LMNTD1: variants seen among roughly 807,000 people sequenced by gnomAD.
The protein encoded by LMNTD1 is lamin tail domain containing 1.
A neutral mutation model predicts 50.9 loss-of-function variants in LMNTD1; 35 were observed. The observed-to-expected ratio is 0.69, with a 90% CI of 0.53 to 0.91. The LOEUF (loss-of-function observed/expected upper bound fraction) is 0.91. Ranked by LOEUF, LMNTD1 falls within the 40% of genes least tolerant of loss-of-function variation. The probability of loss-of-function intolerance (pLI) is 0.00; values close to 1 mark genes in which losing one functional copy is unlikely to be tolerated. For missense variants in LMNTD1, 470 were observed against 475.5 expected (o/e 0.99, Z 0.11); for synonymous variants, 153 against 161.9 (o/e 0.94, Z 0.42).
chr12:25,583,070 G>A (rs917877970), intron 1 of LMNTD1, among the ~76,000 whole-genome samples: 11 of 151,170 alleles, frequency 7.3e-5, no homozygotes, highest in African/African-American at 1.2e-4. Flanking sequence ...CTGGAGTGCA[G>A]TGGTGCTATC....
chr12:25,643,415 G>A (rs1056123341), intron 1 of LMNTD1, among the ~76,000 whole-genome samples: 2 of 152,128 alleles, frequency 1.3e-5, no homozygotes, highest in African/African-American at 4.8e-5. Context: ...AGAATGACAT[G>A]AGATGAAAAA....
At chr12:25,624,809 C>T (rs1946551130) in intron 1 of LMNTD1, among the ~76,000 whole-genome samples, 1 of 152,198 alleles carries the variant, frequency 6.6e-6, no homozygotes. Context: ...TAAAATACCT[C>T]CAGGCCACAA....
chr12:25,538,303 A>G (rs1942767057), intron 4 of LMNTD1, among the ~76,000 whole-genome samples: 1 of 148,732 alleles, frequency 6.7e-6, no homozygotes, highest in Admixed American at 6.8e-5. Flanking sequence ...GAAGGAAAAA[A>G]TGTTAAGGGC....
Position 25,526,864 on chromosome 12 carries a change from C to T in LMNTD1, c.583G>A (p.Gly195Arg). ...NSSLDKEMAIGDHILQQNVNG... is the reference protein window; with the variant it reads ...NSSLDKEMAIRDHILQQNVNG... The stretch of plus-strand genomic sequence containing the variant: ...ACATTTTGCTGGAGAATATGATCTC[C>T]AATTGCCATTTCTTTGTCAAGGGAA... Residue 195 changes from glycine (G) to arginine (R), a missense_variant, in exon 5 of 10, where the codon GGA becomes AGA. By Grantham distance (125) the Gly-to-Arg change is moderately radical. Coordinates refer to ENST00000458174, the MANE Select transcript of LMNTD1 (RefSeq NM_001145728.2). 3 of 1,613,000 alleles carry T rather than the reference C, an allele frequency of 1.9e-6. No individual in the cohort carries two copies. The highest frequency in any genetic ancestry group is 2.5e-6 in the Non-Finnish European group (3 of 1,179,160).
chr12:25,546,225 C>T lies in LMNTD1; in HGVS notation c.491+149G>A, dbSNP rs569634959. 67 of 405,864 alleles carry T rather than the reference C, an allele frequency of 1.7e-4. 1 individual carries two copies. In the Admixed American group the frequency reaches 2.6e-3, roughly 16 times the overall value. The allele number at this position is 405,864 out of a possible 1,614,324, so 25.1% of individuals were successfully genotyped here. On this transcript the variant is annotated intron_variant, in intron 4 of 9. Coordinates refer to ENST00000458174, the MANE Select transcript of LMNTD1 (RefSeq NM_001145728.2). ...CCATTATATCAATTTATTTTAATTGCTCAGAAGATGAAACAGTTATATTTC... is the reference window on the plus strand; with the variant it reads ...CCATTATATCAATTTATTTTAATTGTTCAGAAGATGAAACAGTTATATTTC...
chr12:25,494,587 T>G (rs1371354710), intron 9 of LMNTD1, among the ~76,000 whole-genome samples: 1 of 152,122 alleles, frequency 6.6e-6, no homozygotes, highest in Non-Finnish European at 1.5e-5. Context: ...ATGAATAAAT[T>G]TATATAGATA....
At chr12:25,519,445 G>A (rs909297269) in intron 7 of LMNTD1, among the ~76,000 whole-genome samples, 2 of 151,636 alleles carry the variant, frequency 1.3e-5, no homozygotes, top group Admixed American at 6.6e-5. Flanking sequence ...AAAATTAGCC[G>A]GGCGTGGTGG....
chr12:25,598,102 C>T (rs1425041940), intron 1 of LMNTD1, among the ~76,000 whole-genome samples: 1 of 152,108 alleles, frequency 6.6e-6, no homozygotes, highest in Non-Finnish European at 1.5e-5. Flanking sequence ...ATTCCTTCGT[C>T]TTCTGCTATG....
chr12:25,538,008 A>C (rs1283965049), intron 4 of LMNTD1, among the ~76,000 whole-genome samples: 1 of 149,948 alleles, frequency 6.7e-6, no homozygotes, highest in African/African-American at 2.5e-5. Context: ...TGAAGTGAGA[A>C]GGAAAGTTTA....
chr12:25,631,632 C>A (rs1476263928), intron 1 of LMNTD1, among the ~76,000 whole-genome samples: 2 of 152,104 alleles, frequency 1.3e-5, no homozygotes, highest in African/African-American at 4.8e-5. Flanking sequence ...CCCCGTGGGA[C>A]AAAAGAATCT....
intron 1 of LMNTD1, among the ~76,000 whole-genome samples, chr12:25,591,794 C>A (rs1165315475): frequency 7.3e-6 from 1 of 136,402 alleles, no homozygotes; most frequent in East Asian, 2.2e-4. Context: ...CAACCTCCAG[C>A]TCCTAATAGC....
chr12:25,517,998 C>T (rs1042334420), intron 8 of LMNTD1, among the ~76,000 whole-genome samples: 1 of 152,038 alleles, frequency 6.6e-6, no homozygotes, highest in Non-Finnish European at 1.5e-5. Context: ...TCCTCCTCAC[C>T]TTGGGTAGAT....
rs370170188 is a variant in LMNTD1, at chr12:25,549,655, A to C, written c.90-109T>G. The C allele has an allele frequency of 1.2e-5, 6 of 521,494 alleles. No homozygotes were observed. The East Asian group carries it at 1.9e-4, about 16-fold the overall frequency. The allele number at this position is 521,494 out of a possible 1,614,324, so 32.3% of individuals were successfully genotyped here. A position where few individuals can be genotyped will look rare whatever the true frequency, so the allele number is the denominator to read the frequency against. On this transcript the variant is annotated intron_variant, in intron 2 of 9. Transcript: ENST00000458174. The stretch of plus-strand genomic sequence containing the variant: ...ACCCAGAATTCTGCTTTTCAAAGGT[A>C]ATATGCATCCAACACAAGCACAATA...
rs1941756865 is a variant in LMNTD1 at position 25,526,860 on chromosome 12, T to C, written c.587A>G (p.Asp196Gly). The change falls in exon 5 of 10, where the codon GAT (aspartate) becomes GGT (glycine). Residue 196 changes from aspartate (D) to glycine (G), a missense_variant. By Grantham distance (94) the Asp-to-Gly change is moderately conservative. Coordinates refer to ENST00000458174, the MANE Select transcript of LMNTD1 (RefSeq NM_001145728.2). ...SSLDKEMAIG[D>G]HILQQNVNGQ... ...ATTCACATTTTGCTGGAGAATATGA[T>C]CTCCAATTGCCATTTCTTTGTCAAG... 6.2e-7 allele frequency: 1 copy of C among 1,613,316 alleles called. No homozygotes were observed. The highest frequency in any genetic ancestry group is 1.7e-5 in the Admixed American group (1 of 59,970).
At chr12:25,565,663 A>G (rs372849731) in intron 1 of LMNTD1, among the ~76,000 whole-genome samples, 10 of 152,256 alleles carry the variant, frequency 6.6e-5, no homozygotes, top group African/African-American at 2.4e-4. Context: ...GTTTTTCTGT[A>G]TATTTACTAT....
chr12:25,540,836 C>T (rs1226546936), intron 4 of LMNTD1, among the ~76,000 whole-genome samples: 1 of 119,612 alleles, frequency 8.4e-6, no homozygotes, highest in Non-Finnish European at 1.9e-5. Flanking sequence ...CCCATTGTCT[C>T]AGCCCAAAAT....
rs181996057 is a variant in LMNTD1, at chr12:25,522,193, A to T, written c.799-2118T>A. ...AAAGTTTATTTTCATAGATTATGGC[A>T]AAAAAATGGACTTTTGCTACAGATC... On this transcript the variant is annotated intron_variant, in intron 6 of 9. Coordinates refer to ENST00000458174, the MANE Select transcript of LMNTD1 (RefSeq NM_001145728.2). Among the ~76,000 whole-genome samples the T allele has an allele frequency of 4.8e-3, 462 of 96,624 alleles. 6 individuals are homozygous for T. The highest frequency in any genetic ancestry group is 0.028 in the East Asian group (132 of 4,750). 63.4% of individuals were successfully genotyped at this position (96,624 alleles called of 152,430 possible). A position where few individuals can be genotyped will look rare whatever the true frequency, so the allele number is the denominator to read the frequency against.
intron 6 of LMNTD1, among the ~76,000 whole-genome samples, chr12:25,522,527 T>C (rs1481510603): frequency 6.6e-6 from 1 of 152,208 alleles, no homozygotes; most frequent in Non-Finnish European, 1.5e-5. Context: ...TTACTTATCA[T>C]GTGACCTTAA....
At chr12:25,579,831 T>A (rs1565498194) in intron 1 of LMNTD1, among the ~76,000 whole-genome samples, 2 of 150,476 alleles carry the variant, frequency 1.3e-5, no homozygotes, top group Admixed American at 1.3e-4. Context: ...AATACCGGTA[T>A]AGACTCCAAT....
Sources: allele counts gnomAD v4.1 joint callset (sites outside exome capture counted in the v4.1 genomes callset), GRCh38; gene constraint gnomAD v4.1.1; transcripts MANE v1.5; gene names NCBI Gene and HGNC (gene_info 2026-07-23, HGNC 2026-07-21).